NUDT4: variants seen among roughly 807,000 people sequenced by gnomAD.
NUDT4 encodes the protein diphosphoinositol polyphosphate phosphohydrolase 2.
NUDT4 carries 5 observed loss-of-function variants against 23.1 expected under a neutral mutation model. The observed-to-expected ratio is 0.22, with a 90% CI of 0.11 to 0.46. The LOEUF (loss-of-function observed/expected upper bound fraction) is 0.46. Among genes scored for constraint, NUDT4 ranks in the 20% least tolerant of loss-of-function variants. NUDT4 has a pLI of 0.99. For missense variants in NUDT4, 96 were observed against 211.6 expected (o/e 0.45, Z 3.39); for synonymous variants, 50 against 79.0 (o/e 0.63, Z 1.95).
Position 93,399,780 on chromosome 12 carries a change from A to ATC in NUDT4, c.*402_*403dup, listed in dbSNP as rs1460411399. On this transcript the variant is annotated 3_prime_UTR_variant, in exon 5 of 5. Coordinates refer to ENST00000415493, the MANE Select transcript of NUDT4 (RefSeq NM_019094.6). ...TTCACAGCATTAGCATATTCAGCAA[A>ATC]TCCATCTGTGGTGGGAATTAAAAAT... 1 of 163,860 alleles carries ATC rather than the reference A, an allele frequency of 6.1e-6. No individual in the cohort carries two copies. The highest frequency in any genetic ancestry group is 1.3e-5 in the Non-Finnish European group (1 of 75,292). 10.2% of individuals were successfully genotyped at this position (163,860 alleles called of 1,614,324 possible).
chr12:93,378,537 TCCTC>T, intron 1 of NUDT4, 116 bp downstream of exon 1: 5 of 1,293,362 alleles, frequency 3.9e-6, no homozygotes, highest in Non-Finnish European at 4.0e-6. Flanking sequence ...TTAGCCCCCT[TCCTC>T]CCTCCCTCCT....
chr12:93,379,951 A>C (rs1339221120), intron 1 of NUDT4, among the ~76,000 whole-genome samples: 1 of 152,206 alleles, frequency 6.6e-6, no homozygotes, highest in African/African-American at 2.4e-5. Flanking sequence ...GAGTGCTTAC[A>C]ATGTGCCAGG....
At chr12:93,380,860 C>T (rs1375523951) in intron 1 of NUDT4, 1 of 152,232 alleles carries the variant, frequency 6.6e-6, no homozygotes, top group South Asian at 2.1e-4. Context: ...GAAATGTTTC[C>T]CTCTACTGGA....
At position 93,402,534 on chromosome 12, in the gene NUDT4, A is replaced by T. The variant is rs1877534591; in HGVS notation, c.*3155A>T. ...CTTTACTGTTCTCCCATTGATGATC[A>T]TATACGTTACCTCTTCCTAGCGGTA... On this transcript the variant is annotated 3_prime_UTR_variant, in exon 5 of 5. Coordinates refer to ENST00000415493, the MANE Select transcript of NUDT4 (RefSeq NM_019094.6). The T allele has an allele frequency of 6.6e-6, 1 of 152,158 alleles. No homozygotes were observed. Among genetic ancestry groups the T allele is most frequent in the Non-Finnish European group, 1.5e-5 (1 of 68,028 alleles). 9.4% of individuals were successfully genotyped at this position (152,158 alleles called of 1,614,324 possible). A position where few individuals can be genotyped will look rare whatever the true frequency, so the allele number is the denominator to read the frequency against.
chr12:93,393,059 G>A (rs1157505803), intron 1 of NUDT4, among the ~76,000 whole-genome samples: 2 of 141,512 alleles, frequency 1.4e-5, no homozygotes, highest in Middle Eastern at 3.6e-3. Flanking sequence ...AAGGTAATAG[G>A]GTATTTTTGT....
At chr12:93,395,288 A>G (rs1876855360) in intron 2 of NUDT4, among the ~76,000 whole-genome samples, 1 of 152,140 alleles carries the variant, frequency 6.6e-6, no homozygotes, top group Non-Finnish European at 1.5e-5. Context: ...GCCCAGCCAG[A>G]AATACTAATT....
At chr12:93,378,471 G>T (rs1479257015) in intron 1 of NUDT4, 50 bp downstream of exon 1, 17 of 1,480,318 alleles carry the variant, frequency 1.1e-5, no homozygotes, top group Non-Finnish European at 1.0e-5. Flanking sequence ...GGGGTCTAGG[G>T]CCCGGGTGCT....
At chr12:93,378,947 A>G (rs569571277) in intron 1 of NUDT4, among the ~76,000 whole-genome samples, 6 of 152,312 alleles carry the variant, frequency 3.9e-5, no homozygotes, top group South Asian at 2.1e-4. Flanking sequence ...TTGTGGGTCC[A>G]TGAACCCGCA....
intron 3 of NUDT4, among the ~76,000 whole-genome samples, chr12:93,395,780 G>A (rs530727085): frequency 2.8e-4 from 43 of 152,248 alleles, no homozygotes; most frequent in Non-Finnish European, 6.0e-4. Flanking sequence ...GAGTTCAGTG[G>A]TGCAATCTTG....
chr12:93,380,513 A>G (rs930162239), intron 1 of NUDT4, among the ~76,000 whole-genome samples: 6 of 152,216 alleles, frequency 3.9e-5, no homozygotes, highest in Non-Finnish European at 8.8e-5. Context: ...ATTGTATAAA[A>G]CTTTGTAAAT....
At chr12:93,393,918 A>G (rs1023929668) in intron 1 of NUDT4, among the ~76,000 whole-genome samples, 6 of 152,198 alleles carry the variant, frequency 3.9e-5, no homozygotes, top group African/African-American at 1.4e-4. Context: ...ACCTATGGTC[A>G]TTTCCTTAAA....
intron 1 of NUDT4, among the ~76,000 whole-genome samples, chr12:93,383,699 G>T (rs1169845742): frequency 2.0e-5 from 3 of 152,294 alleles, no homozygotes; most frequent in African/African-American, 7.2e-5. Flanking sequence ...AGGCGTGGTG[G>T]TGTGTGCCTG....
In NUDT4 at chr12:93,395,533, G is replaced by A; in HGVS notation, c.255G>A (p.Glu85=). Residue 85 remains glutamate, a splice_region_variant and synonymous_variant, in exon 3 of 5, where the codon GAG becomes GAA. Transcript: ENST00000415493. ...TAGGCAGACTTCTGGGCATATTTGA[G>A]GTGAGTTAAAAAGTAATCTTCACTT... is the stretch of plus-strand genomic sequence containing the variant. The part of the protein sequence containing the change: ...GKLGRLLGIF[E]NQDRKHRTYV... The A allele has an allele frequency of 6.2e-7, 1 of 1,605,908 alleles. No individual in the cohort carries two copies. The highest frequency in any genetic ancestry group is 8.5e-7 in the Non-Finnish European group (1 of 1,172,842).
rs1877628093 is a variant in NUDT4 at position 93,403,656 on chromosome 12, G to A, written c.*4277G>A. 2 of 152,070 alleles carry A rather than the reference G, an allele frequency of 1.3e-5. No homozygotes were observed. Among genetic ancestry groups the A allele is most frequent in the African/African-American group, 2.4e-5 (1 of 41,394 alleles). 9.4% of individuals were successfully genotyped at this position (152,070 alleles called of 1,614,324 possible). A position where few individuals can be genotyped will look rare whatever the true frequency, so the allele number is the denominator to read the frequency against. On this transcript the variant is annotated 3_prime_UTR_variant, in exon 5 of 5. Transcript: ENST00000415493. ...TTTACATCCTTCAGTATTTTTCAAG[G>A]TTTTACAGCTTTTTTATCTATAGAC...
chr12:93,386,438 A>G (rs1448722196), intron 1 of NUDT4, among the ~76,000 whole-genome samples: 1 of 152,048 alleles, frequency 6.6e-6, no homozygotes, highest in Non-Finnish European at 1.5e-5. Context: ...AAATGAGCCG[A>G]GCATGGTGGT....
intron 3 of NUDT4, among the ~76,000 whole-genome samples, chr12:93,398,338 CAAAAAAAAAAAA>C (rs34651915): frequency 1.3e-5 from 1 of 75,312 alleles, no homozygotes; most frequent in African/African-American, 6.0e-5. Context: ...CTCCCTGTCT[CAAAAAAAAAAAA>C]AAAAAAAAAG....
At chr12:93,394,538 G>GGTTT in intron 1 of NUDT4, 71 bp from the exon 2 acceptor site, 1 of 836,876 alleles carries the variant, frequency 1.2e-6, no homozygotes, top group Non-Finnish European at 2.0e-6. Flanking sequence ...ACCTTGCAGA[G>GGTTT]GTTTGAGAAT....
In NUDT4 at chr12:93,406,235, T is replaced by C. The variant is rs1302804804; in HGVS notation, c.*6856T>C. On this transcript the variant is annotated 3_prime_UTR_variant, in exon 5 of 5. Coordinates refer to ENST00000415493, the MANE Select transcript of NUDT4 (RefSeq NM_019094.6). ...GTGAGCCAAGATCATGCCACAGCAC[T>C]CCAGCCTAAACTACAGAGCTAGAAA... The C allele has an allele frequency of 8.7e-6, 1 of 115,048 alleles. No individual in the cohort carries two copies. The highest frequency in any genetic ancestry group is 3.3e-5 in the African/African-American group (1 of 29,854). The allele number at this position is 115,048 out of a possible 1,614,324, so 7.1% of individuals were successfully genotyped here.
chr12:93,391,762 A>G (rs1447010882), intron 1 of NUDT4, among the ~76,000 whole-genome samples: 1 of 152,168 alleles, frequency 6.6e-6, no homozygotes, highest in East Asian at 1.9e-4. Context: ...CTCTATGCAC[A>G]CTGGGAATTA....
Sources: allele counts gnomAD v4.1 joint callset (sites outside exome capture counted in the v4.1 genomes callset), GRCh38; gene constraint gnomAD v4.1.1; transcripts MANE v1.5; gene names NCBI Gene and HGNC (gene_info 2026-07-23, HGNC 2026-07-21).